IQCM: variants seen among roughly 807,000 people sequenced by gnomAD.
IQCM encodes the protein IQ domain-containing protein M.
In IQCM, 45 loss-of-function variants were observed where a neutral mutation model predicts 57.6. The observed-to-expected ratio is 0.78, with a 90% CI of 0.62 to 1.00. IQCM has a LOEUF of 1.00. IQCM is among the 50% of genes least tolerant of loss of function. The pLI is 0.00. For synonymous variants in IQCM, 148 were observed against 158.9 expected, an observed-to-expected ratio of 0.93 and a Z score of 0.51; for missense variants, 468 against 511.6, an observed-to-expected ratio of 0.91 and a Z score of 0.82.
In IQCM at chr4:149,532,209, CA is replaced by C. The variant is rs965722260; in HGVS notation, c.1228+16245del. ...AAAGTTGTTTTCACCTTAGAAAGCT[CA>C]AAAACAATATACAAACTAATAAATA... is the stretch of plus-strand genomic sequence containing the variant. On this transcript the variant is annotated intron_variant, in intron 12 of 13. Coordinates refer to ENST00000636793, the MANE Select transcript of IQCM (RefSeq NM_001363507.2). 3.9e-5 allele frequency among the ~76,000 whole-genome samples: 6 copies of C among 152,070 alleles called. No individual in the cohort carries two copies. In the South Asian group the frequency reaches 6.2e-4, roughly 16 times the overall value.
chr4:149,489,197 C>T (rs1240619944), intron 12 of IQCM, among the ~76,000 whole-genome samples: 2 of 152,076 alleles, frequency 1.3e-5, no homozygotes, highest in African/African-American at 4.8e-5. Context: ...AACATACACC[C>T]ACAACAGTGA....
chr4:149,465,113 T>C (rs1467364661), intron 12 of IQCM, among the ~76,000 whole-genome samples: 1 of 152,178 alleles, frequency 6.6e-6, no homozygotes, highest in Non-Finnish European at 1.5e-5. Flanking sequence ...ACATTCAAGA[T>C]GATATGTCAA....
Position 149,660,365 on chromosome 4 carries a change from C to T in IQCM, c.565+21753G>A, listed in dbSNP as rs950980175. Among the ~76,000 whole-genome samples the T allele has an allele frequency of 9.5e-4, 145 of 152,254 alleles. 1 individual carries two copies. The highest frequency in any genetic ancestry group is 2.0e-3 in the Admixed American group (30 of 15,284). On this transcript the variant is annotated intron_variant, in intron 7 of 13. Transcript: ENST00000636793. Reference sequence around the variant, plus strand: ...TGGAGAGGATATGGAGAAATAGGAACACTTTTACACTGTTGGTGGGACTGT... The same window carrying T: ...TGGAGAGGATATGGAGAAATAGGAATACTTTTACACTGTTGGTGGGACTGT...
intron 8 of IQCM, among the ~76,000 whole-genome samples, chr4:149,588,283 T>G (rs1752821830): frequency 6.6e-6 from 1 of 151,904 alleles, no homozygotes; most frequent in Non-Finnish European, 1.5e-5. Context: ...ATTTATTTAT[T>G]TATTTGTCCT....
intron 12 of IQCM, among the ~76,000 whole-genome samples, chr4:149,479,260 A>C (rs1740524952): frequency 6.6e-6 from 1 of 152,208 alleles, no homozygotes; most frequent in African/African-American, 2.4e-5. Context: ...TATTTTCAAA[A>C]GATTCCTCTC....
chr4:149,648,898 A>T (rs1057255831), intron 7 of IQCM, among the ~76,000 whole-genome samples: 5 of 151,874 alleles, frequency 3.3e-5, no homozygotes, highest in Non-Finnish European at 7.4e-5. Flanking sequence ...AAAGTATAAT[A>T]AAAAAAAGAA....
intron 12 of IQCM, among the ~76,000 whole-genome samples, chr4:149,501,188 A>T (rs1743206301): frequency 6.6e-6 from 1 of 152,154 alleles, no homozygotes. Context: ...TTACAATTAT[A>T]TTCTCCCTAT....
At position 149,456,353 on chromosome 4, in the gene IQCM, A is replaced by G. The variant is rs564832104; in HGVS notation, c.1229-22796T>C. Among the ~76,000 whole-genome samples the G allele has an allele frequency of 3.3e-5, 5 of 152,210 alleles. 1 individual carries two copies. Among genetic ancestry groups the G allele is most frequent in the Admixed American group, 2.6e-4 (4 of 15,252 alleles). ...CTTTATCCAAAATGGTTAGGACTAG[A>G]AGTGTTTTGGATTTCTAATTTTTTT... On this transcript the variant is annotated intron_variant, in intron 12 of 13. Coordinates refer to ENST00000636793, the MANE Select transcript of IQCM (RefSeq NM_001363507.2).
intron 12 of IQCM, among the ~76,000 whole-genome samples, chr4:149,444,283 T>G (rs1250854970): frequency 6.6e-6 from 1 of 151,962 alleles, no homozygotes; most frequent in African/African-American, 2.4e-5. Context: ...CTATAATATA[T>G]AAATTTGTCA....
chr4:149,667,911 G>T (rs1015381235), intron 7 of IQCM, among the ~76,000 whole-genome samples: 1 of 152,002 alleles, frequency 6.6e-6, no homozygotes, highest in African/African-American at 2.4e-5. Context: ...AAGCTTCCAA[G>T]AAATATGGCA....
Position 149,452,149 on chromosome 4 carries a change from A to T in IQCM, c.1229-18592T>A, listed in dbSNP as rs1737185311. ...ATAAATCAAATAAAAGATATGCAAG[A>T]CTTGAACACTGAATGCTATAAACAT... On this transcript the variant is annotated intron_variant, in intron 12 of 13. Coordinates refer to ENST00000636793, the MANE Select transcript of IQCM (RefSeq NM_001363507.2). Among the ~76,000 whole-genome samples, 4 of 151,754 alleles carry T rather than the reference A, an allele frequency of 2.6e-5. No homozygotes were observed. In the Admixed American group the frequency reaches 2.6e-4, roughly 10 times the overall value.
chr4:149,610,754 A>G (rs1380748828), intron 8 of IQCM, among the ~76,000 whole-genome samples: 2 of 152,096 alleles, frequency 1.3e-5, no homozygotes, highest in Non-Finnish European at 2.9e-5. Context: ...AAGACTCAAA[A>G]CTATGAAAAT....
chr4:149,352,327 T>A (rs944975462), intron 13 of IQCM, among the ~76,000 whole-genome samples: 2 of 152,150 alleles, frequency 1.3e-5, no homozygotes, highest in African/African-American at 4.8e-5. Flanking sequence ...CAGAATATAG[T>A]CAGCCCTCTG....
intron 7 of IQCM, 49 bp from the exon 8 acceptor site, chr4:149,621,293 T>A: frequency 1.2e-6 from 1 of 816,594 alleles, no homozygotes; most frequent in Non-Finnish European, 1.6e-6. Flanking sequence ...CCAGGAAAAG[T>A]ACACACTGAT....
intron 2 of IQCM, among the ~76,000 whole-genome samples, chr4:149,782,321 C>T (rs1771679035): frequency 6.6e-6 from 1 of 151,872 alleles, no homozygotes; most frequent in Admixed American, 6.6e-5. Flanking sequence ...AAATATAAGG[C>T]AAATAAAAAA....
intron 10 of IQCM, among the ~76,000 whole-genome samples, chr4:149,556,689 C>T (rs11724130): frequency 0.54 from 82,670 of 151,984 alleles, 22,745 homozygotes; most frequent in African/African-American, 0.58. Context: ...TTATCTCGAT[C>T]GCATACACAT....
At chr4:149,377,507 T>A (rs1171875665) in intron 13 of IQCM, among the ~76,000 whole-genome samples, 1 of 152,192 alleles carries the variant, frequency 6.6e-6, no homozygotes. Context: ...GGAATCATAT[T>A]CTGAGACTCA....
At chr4:149,515,431 G>A (rs751502042) in intron 12 of IQCM, among the ~76,000 whole-genome samples, 11 of 152,176 alleles carry the variant, frequency 7.2e-5, no homozygotes, top group Non-Finnish European at 1.2e-4. Flanking sequence ...ACATGAGGAA[G>A]TGGCTCAAAT....
chr4:149,543,355 T>C (rs1748045200), intron 12 of IQCM, among the ~76,000 whole-genome samples: 1 of 152,060 alleles, frequency 6.6e-6, no homozygotes, highest in African/African-American at 2.4e-5. Flanking sequence ...TAATGTCATA[T>C]TGACAGAAAA....
Sources: allele counts gnomAD v4.1 joint callset (sites outside exome capture counted in the v4.1 genomes callset), GRCh38; gene constraint gnomAD v4.1.1; transcripts MANE v1.5; gene names NCBI Gene and HGNC (gene_info 2026-07-23, HGNC 2026-07-21).